Variants in BCL2L11 observed in about 807,000 individuals in gnomAD.
BCL2L11 encodes bcl-2-like protein 11.
In BCL2L11, 15 loss-of-function variants were observed where a neutral mutation model predicts 20.6. The ratio of observed to expected loss-of-function variants is 0.73; its 90% CI spans 0.49 to 1.12. The LOEUF is 1.12. BCL2L11 is among the 50% of genes most tolerant of loss of function. BCL2L11 has a pLI of 0.00. For missense variants in BCL2L11, 292 were observed against 260.9 expected (o/e 1.12, Z -0.82); for synonymous variants, 108 against 92.8 (o/e 1.16, Z -0.94).
At position 111,164,135 on chromosome 2, in the gene BCL2L11, A is replaced by G. The variant is rs142125092; in HGVS notation, c.501A>G (p.Val167=). 52 of 1,436,670 alleles carry G rather than the reference A, an allele frequency of 3.6e-5. No homozygotes were observed. Among genetic ancestry groups the G allele is most frequent in the Non-Finnish European group, 4.7e-5 (50 of 1,063,312 alleles). The allele number at this position is 1,436,670 out of a possible 1,614,324, so 89.0% of individuals were successfully genotyped here. Reference sequence around the variant, plus strand: ...AAGCTTTCCTTTTGTTGTTTCAGGTATTTTTGAATAATTACCAAGCAGCCG... The same window carrying G: ...AAGCTTTCCTTTTGTTGTTTCAGGTGTTTTTGAATAATTACCAAGCAGCCG... ...DEFNAYYARR[V]FLNNYQAAED... The change falls in exon 4 of 4, where the codon GTA becomes GTG. Residue 167 remains valine, a splice_region_variant and synonymous_variant. Transcript: ENST00000393256.
chr2:111,124,277 C>A (rs2150149781), intron 2 of BCL2L11, 138 bp downstream of exon 2: 42 of 901,638 alleles, frequency 4.7e-5, no homozygotes, highest in Non-Finnish European at 6.0e-5. Context: ...GAGGATGTGT[C>A]AAACTATCAA....
intron 2 of BCL2L11, among the ~76,000 whole-genome samples, chr2:111,134,961 T>G (rs1236402846): frequency 6.6e-6 from 1 of 152,242 alleles, no homozygotes; most frequent in Non-Finnish European, 1.5e-5. Context: ...GAAGTTTAAT[T>G]GTGATGTGTC....
At chr2:111,129,445 T>A (rs935968422) in intron 2 of BCL2L11, among the ~76,000 whole-genome samples, 4 of 151,612 alleles carry the variant, frequency 2.6e-5, no homozygotes, top group East Asian at 1.9e-4. Flanking sequence ...CTTAAAAAAA[T>A]TTTTTTTCAG....
At chr2:111,123,515 G>T in intron 1 of BCL2L11, 2 of 985,362 alleles carry the variant, frequency 2.0e-6, no homozygotes, top group Non-Finnish European at 2.4e-6. Context: ...TGTTGACATT[G>T]TTACTGTATT....
chr2:111,136,659 C>T (rs906734776), intron 2 of BCL2L11, among the ~76,000 whole-genome samples: 3 of 152,166 alleles, frequency 2.0e-5, no homozygotes, highest in African/African-American at 7.2e-5. Context: ...ACGGCACCTT[C>T]GAGCTGTGTC....
At chr2:111,121,803 G>A (rs573126603) in intron 1 of BCL2L11, among the ~76,000 whole-genome samples, 1 of 152,336 alleles carries the variant, frequency 6.6e-6, no homozygotes, top group African/African-American at 2.4e-5. Flanking sequence ...GAGTCCTGCG[G>A]CCTGTGCCAT....
At chr2:111,123,339 GC>G (rs1158779872) in intron 1 of BCL2L11, 3 of 985,374 alleles carry the variant, frequency 3.0e-6, no homozygotes, top group African/African-American at 3.5e-5. Flanking sequence ...CTGCATCTGC[GC>G]CCGCTCCTGT....
intron 2 of BCL2L11, chr2:111,145,874 C>G (rs2076426384): frequency 1.2e-6 from 1 of 801,158 alleles, no homozygotes; most frequent in South Asian, 5.7e-5. Flanking sequence ...GCAAAAATTG[C>G]TTATATCTGA....
intron 2 of BCL2L11, among the ~76,000 whole-genome samples, chr2:111,137,977 G>A (rs1216557399): frequency 6.7e-6 from 1 of 150,374 alleles, no homozygotes; most frequent in Non-Finnish European, 1.5e-5. Flanking sequence ...CGTTACAGGT[G>A]GGCTTTTCTC....
chr2:111,164,272 C>T lies in BCL2L11; in HGVS notation c.*41C>T. On this transcript the variant is annotated 3_prime_UTR_variant, in exon 4 of 4. Transcript: ENST00000393256. The stretch of plus-strand genomic sequence containing the variant: ...GCCGAGATACCATGCAGACATTTTG[C>T]TTGTTCAAACCAACAAGACCCAGCA... The T allele has an allele frequency of 6.8e-7, 1 of 1,460,974 alleles. No individual in the cohort carries two copies. Among genetic ancestry groups the T allele is most frequent in the Non-Finnish European group, 9.6e-7 (1 of 1,040,678 alleles). 90.5% of individuals were successfully genotyped at this position (1,460,974 alleles called of 1,614,324 possible).
chr2:111,145,022 G>T (rs368209848), intron 2 of BCL2L11, among the ~76,000 whole-genome samples: 2 of 152,116 alleles, frequency 1.3e-5, no homozygotes, highest in Admixed American at 6.6e-5. Flanking sequence ...GTTGAATATC[G>T]ATTCAAAGCT....
intron 2 of BCL2L11, among the ~76,000 whole-genome samples, chr2:111,136,540 A>T (rs966656224): frequency 1.3e-5 from 2 of 152,196 alleles, no homozygotes; most frequent in African/African-American, 4.8e-5. Flanking sequence ...CTCTAATGGA[A>T]TACCTGAGAC....
In BCL2L11 at chr2:111,166,391, A is replaced by G. The variant is rs1487333688; in HGVS notation, c.*2160A>G. 1.3e-5 allele frequency: 2 copies of G among 152,684 alleles called. No individual in the cohort carries two copies. The highest frequency in any genetic ancestry group is 4.8e-5 in the African/African-American group (2 of 41,436). 9.5% of individuals were successfully genotyped at this position (152,684 alleles called of 1,614,324 possible). ...GGCGGCCTCCAGGCTGGCTGTGGAA[A>G]CAGTTCCTGAGGAAATTAGAGATTC... On this transcript the variant is annotated 3_prime_UTR_variant, in exon 4 of 4. Transcript: ENST00000393256.
Position 111,144,426 on chromosome 2 carries a change from A to G in BCL2L11, c.395-5618A>G, listed in dbSNP as rs919714207. 6 of 1,530,822 alleles carry G rather than the reference A, an allele frequency of 3.9e-6. No individual in the cohort carries two copies. The African/African-American group carries it at 6.9e-5, about 18-fold the overall frequency. The allele number at this position is 1,530,822 out of a possible 1,614,324, so 94.8% of individuals were successfully genotyped here. Reference sequence around the variant, plus strand: ...AGAACCGTCAGAGTTGAGGATTTCAAACATGATTCTGATAGCATTTACCGC... The same window carrying G: ...AGAACCGTCAGAGTTGAGGATTTCAGACATGATTCTGATAGCATTTACCGC... On this transcript the variant is annotated intron_variant, in intron 2 of 3. Transcript: ENST00000393256.
At position 111,164,310 on chromosome 2, in the gene BCL2L11, G is replaced by A. The variant is rs7595612; in HGVS notation, c.*79G>A. ...ACAAGACCCAGCACCGCGGTCTCCT[G>A]GTGCCATTATTATGCAGCCAGCGGT... On this transcript the variant is annotated 3_prime_UTR_variant, in exon 4 of 4. Coordinates refer to ENST00000393256, the MANE Select transcript of BCL2L11 (RefSeq NM_138621.5). 2.6e-3 allele frequency: 2,788 copies of A among 1,078,108 alleles called. 49 individuals are homozygous for A. In the African/African-American group the frequency reaches 0.034, roughly 13 times the overall value. 66.8% of individuals were successfully genotyped at this position (1,078,108 alleles called of 1,614,324 possible).
intron 2 of BCL2L11, among the ~76,000 whole-genome samples, chr2:111,130,795 A>G (rs970891885): frequency 6.6e-6 from 1 of 152,194 alleles, no homozygotes; most frequent in African/African-American, 2.4e-5. Context: ...TATTCCCAGA[A>G]TGCTGAGAGT....
intron 1 of BCL2L11, among the ~76,000 whole-genome samples, chr2:111,122,469 C>T (rs1222533763): frequency 1.3e-5 from 2 of 152,220 alleles, no homozygotes; most frequent in Non-Finnish European, 2.9e-5. Flanking sequence ...TCAACAATCG[C>T]CTCGCCTTTG....
At chr2:111,130,238 G>T in intron 2 of BCL2L11, 1 of 292,254 alleles carries the variant, frequency 3.4e-6, no homozygotes, top group Non-Finnish European at 6.8e-6. Flanking sequence ...CCAAGTAGCT[G>T]GGATTACAGG....
At chr2:111,136,751 A>G (rs1437134039) in intron 2 of BCL2L11, among the ~76,000 whole-genome samples, 1 of 152,036 alleles carries the variant, frequency 6.6e-6, no homozygotes, top group Non-Finnish European at 1.5e-5. Flanking sequence ...CCCACCTCCT[A>G]ACACCCATCA....
Sources: gnomAD v4.1 joint callset for allele counts (sites outside exome capture counted in the v4.1 genomes callset) on GRCh38, gnomAD v4.1.1 for gene constraint, MANE v1.5 for transcripts, NCBI Gene and HGNC (gene_info 2026-07-23, HGNC 2026-07-21) for gene names.